EIF3H: variants seen among roughly 807,000 people sequenced by gnomAD.
EIF3H encodes eIF-3-gamma.
In EIF3H, 26 loss-of-function variants were observed where a neutral mutation model predicts 44.2. The ratio of observed to expected loss-of-function variants is 0.59; its 90% CI spans 0.43 to 0.82. The LOEUF is 0.82. EIF3H is among the 40% of genes least tolerant of loss of function. The pLI is 0.00. For synonymous variants in EIF3H, 166 were observed against 151.9 expected (o/e 1.09, Z -0.68); for missense variants, 359 against 432.8 (o/e 0.83, Z 1.51).
At chr8:116,761,314 C>A (rs1442787327) in intron 1 of EIF3H, among the ~76,000 whole-genome samples, 2 of 152,082 alleles carry the variant, frequency 1.3e-5, no homozygotes, top group East Asian at 3.9e-4. Context: ...GAGTTTGAGA[C>A]CAGCCTGGAC....
chr8:116,762,736 C>G (rs1815530396), intron 1 of EIF3H, among the ~76,000 whole-genome samples: 1 of 152,116 alleles, frequency 6.6e-6, no homozygotes, highest in Admixed American at 6.5e-5. Context: ...GAGTTCGAGA[C>G]CAGCCTGGCC....
intron 2 of EIF3H, among the ~76,000 whole-genome samples, chr8:116,668,083 C>G (rs566495736): frequency 1.3e-5 from 2 of 152,234 alleles, no homozygotes; most frequent in East Asian, 3.9e-4. Context: ...GGATTTGAGC[C>G]GTCAATTGTG....
chr8:116,653,105 T>G (rs1221292378), intron 5 of EIF3H, among the ~76,000 whole-genome samples: 2 of 152,082 alleles, frequency 1.3e-5, no homozygotes, highest in African/African-American at 4.8e-5. Context: ...GGTACTGCCA[T>G]ATGCAGAGAA....
chr8:116,752,082 G>A (rs1037146345), intron 1 of EIF3H, among the ~76,000 whole-genome samples: 3 of 152,200 alleles, frequency 2.0e-5, no homozygotes, highest in South Asian at 2.1e-4. Flanking sequence ...GGCCTAAAAG[G>A]AAGGATAGTG....
intron 2 of EIF3H, among the ~76,000 whole-genome samples, chr8:116,696,728 T>A (rs914239035): frequency 6.6e-6 from 1 of 152,190 alleles, no homozygotes. Context: ...TAGCATGATA[T>A]TGAATCTCTA....
chr8:116,749,858 G>A (rs1815297563), intron 1 of EIF3H, among the ~76,000 whole-genome samples: 2 of 152,280 alleles, frequency 1.3e-5, no homozygotes, highest in Non-Finnish European at 2.9e-5. Context: ...CCCTGTGGAG[G>A]GACTGCTACA....
At chr8:116,720,182 GTCTC>G (rs1339346458) in intron 2 of EIF3H, among the ~76,000 whole-genome samples, 3 of 152,016 alleles carry the variant, frequency 2.0e-5, no homozygotes, top group African/African-American at 4.8e-5. Context: ...CTAAACTTAA[GTCTC>G]TATCTCAGGA....
intron 1 of EIF3H, among the ~76,000 whole-genome samples, chr8:116,745,282 C>A (rs977677236): frequency 2.6e-5 from 4 of 152,074 alleles, no homozygotes; most frequent in Non-Finnish European, 4.4e-5. Flanking sequence ...AAATCAATAT[C>A]TACTACTAAA....
intron 2 of EIF3H, among the ~76,000 whole-genome samples, chr8:116,692,344 A>G (rs1814193225): frequency 6.6e-6 from 1 of 152,236 alleles, no homozygotes; most frequent in Non-Finnish European, 1.5e-5. Context: ...GAAAATTCTC[A>G]GCACATTTAA....
intron 2 of EIF3H, among the ~76,000 whole-genome samples, chr8:116,661,041 C>G (rs1813578630): frequency 6.6e-6 from 1 of 152,160 alleles, no homozygotes; most frequent in Non-Finnish European, 1.5e-5. Context: ...CACCTCCCCC[C>G]AGCTAGTTTA....
At chr8:116,668,498 T>A (rs1813702943) in intron 2 of EIF3H, among the ~76,000 whole-genome samples, 1 of 152,166 alleles carries the variant, frequency 6.6e-6, no homozygotes, top group African/African-American at 2.4e-5. Context: ...GACAAAAGTT[T>A]TCTGTTGCTT....
At chr8:116,709,312 G>A (rs537773835) in intron 2 of EIF3H, among the ~76,000 whole-genome samples, 1 of 152,198 alleles carries the variant, frequency 6.6e-6, no homozygotes, top group East Asian at 1.9e-4. Flanking sequence ...AAAGGAGCAG[G>A]TCTTATTTTA....
At chr8:116,654,792 C>T (rs556457039) in intron 5 of EIF3H, among the ~76,000 whole-genome samples, 108 of 152,190 alleles carry the variant, frequency 7.1e-4, no homozygotes, top group African/African-American at 2.5e-3. Flanking sequence ...CAATGGAAGG[C>T]GGCGCTTCAA....
At position 116,642,896 on chromosome 8, in the gene EIF3H, T is replaced by C. The variant is rs1049989557; in HGVS notation, c.*2110A>G. 5 of 152,204 alleles carry C rather than the reference T, an allele frequency of 3.3e-5. No individual in the cohort carries two copies. The highest frequency in any genetic ancestry group is 1.2e-4 in the African/African-American group (5 of 41,442). 9.4% of individuals were successfully genotyped at this position (152,204 alleles called of 1,614,324 possible). ...AATCAAAAATTACTGAAATCTTTCA[T>C]TAAGTGTGTATTCATGTTACCAAGA... On this transcript the variant is annotated 3_prime_UTR_variant, in exon 8 of 8. Coordinates refer to ENST00000521861, the MANE Select transcript of EIF3H (RefSeq NM_003756.3).
intron 5 of EIF3H, among the ~76,000 whole-genome samples, chr8:116,651,142 G>T (rs1366209575): frequency 6.6e-6 from 1 of 152,116 alleles, no homozygotes. Context: ...GGGTTTAAAT[G>T]GTCAATTTTT....
At chr8:116,713,198 A>G (rs376728005) in intron 2 of EIF3H, among the ~76,000 whole-genome samples, 23 of 152,158 alleles carry the variant, frequency 1.5e-4, no homozygotes, top group African/African-American at 5.3e-4. Flanking sequence ...GAAACTTAGG[A>G]ATTTTAAATA....
At chr8:116,728,067 T>G (rs1049131190) in intron 1 of EIF3H, among the ~76,000 whole-genome samples, 1 of 152,198 alleles carries the variant, frequency 6.6e-6, no homozygotes, top group African/African-American at 2.4e-5. Context: ...CTTTTTAGAT[T>G]TTCAGTATAT....
chr8:116,764,788 G>A (rs1481395739), intron 1 of EIF3H, among the ~76,000 whole-genome samples: 1 of 152,170 alleles, frequency 6.6e-6, no homozygotes, highest in African/African-American at 2.4e-5. Context: ...CGAAGTTCTG[G>A]TATTACAGGC....
chr8:116,743,766 A>AT (rs1469315021), intron 1 of EIF3H, among the ~76,000 whole-genome samples: 6 of 68,800 alleles, frequency 8.7e-5, no homozygotes, highest in African/African-American at 2.4e-4. Context: ...TCAAAAATAC[A>AT]TACATATATA....
Sources: gnomAD v4.1 joint callset for allele counts (sites outside exome capture counted in the v4.1 genomes callset) on GRCh38, gnomAD v4.1.1 for gene constraint, MANE v1.5 for transcripts, NCBI Gene and HGNC (gene_info 2026-07-23, HGNC 2026-07-21) for gene names.